SUN2: variants seen among roughly 807,000 people sequenced by gnomAD.
SUN2 encodes SUN domain-containing protein 2.
In SUN2, 60 loss-of-function variants were observed where a neutral mutation model predicts 100.0. The ratio of observed to expected loss-of-function variants is 0.60; its 90% CI spans 0.49 to 0.74. SUN2 has a LOEUF of 0.74. Among genes scored for constraint, SUN2 ranks in the 30% least tolerant of loss-of-function variants. The pLI is 0.00. For synonymous variants in SUN2, 367 were observed against 403.3 expected (o/e 0.91, Z 1.08); for missense variants, 834 against 954.6 (o/e 0.87, Z 1.66).
chr22:38,737,614 A>T lies in SUN2; in HGVS notation c.2040+559T>A. 1 of 302,008 alleles carries T rather than the reference A, an allele frequency of 3.3e-6. No homozygotes were observed. Among genetic ancestry groups the T allele is most frequent in the South Asian group, 2.8e-5 (1 of 35,918 alleles). The allele number at this position is 302,008 out of a possible 1,614,324, so 18.7% of individuals were successfully genotyped here. A position where few individuals can be genotyped will look rare whatever the true frequency, so the allele number is the denominator to read the frequency against. ...TGCCACTGTCCCTCGTCCACCTCCC[A>T]CTATCCCGCCAACCCAATTCCTCAC... On this transcript the variant is annotated intron_variant, in intron 17 of 17. Coordinates refer to ENST00000689035, the MANE Select transcript of SUN2 (RefSeq NM_015374.3). This position sits in a 1 kb window ranked among gnomAD's most constrained non-coding sequence, Gnocchi z 4.1.
At position 38,738,211 on chromosome 22, in the gene SUN2, C is replaced by G; in HGVS notation, c.2002G>C (p.Asp668His). ...EGTLLGKFTYDQDGEPIQTFH... is the reference protein window; with the variant it reads ...EGTLLGKFTYHQDGEPIQTFH... ...GTCTGAATAGGCTCGCCGTCCTGAT[C>G]GTAAGTGAACTTGCCAAGGAGTGTC... The change falls in exon 17 of 18, where the codon GAT becomes CAT. Residue 668 changes from aspartate to histidine, a missense_variant. Physicochemically the swap from Asp to His is moderately conservative, Grantham distance 81 (BLOSUM62 -1). Coordinates refer to ENST00000689035, the MANE Select transcript of SUN2 (RefSeq NM_015374.3). This position sits in a 1 kb window ranked among gnomAD's most constrained non-coding sequence, Gnocchi z 6.6. The G allele has an allele frequency of 6.2e-7, 1 of 1,613,956 alleles. No individual in the cohort carries two copies. Among genetic ancestry groups the G allele is most frequent in the Non-Finnish European group, 8.5e-7 (1 of 1,180,000 alleles).
chr22:38,742,626 A>C (rs1396800750), intron 8 of SUN2, 71 bp from the exon 9 acceptor site: 16 of 1,501,866 alleles, frequency 1.1e-5, no homozygotes, highest in Non-Finnish European at 1.3e-5. Flanking sequence ...GACCACCCCG[A>C]CACAGCCAAC....
chr22:38,755,944 C>T lies in SUN2; in HGVS notation c.-219G>A. The stretch of plus-strand genomic sequence containing the variant: ...ACGCGGGACAAGGCGGGCGGGCGGA[C>T]AATGCGGCCGGCGGAGGCCCGCGCT... On this transcript the variant is annotated 5_prime_UTR_variant, in exon 1 of 18. Coordinates refer to ENST00000689035, the MANE Select transcript of SUN2 (RefSeq NM_015374.3). The surrounding 1 kb of genome is among the most constrained non-coding windows in gnomAD (Gnocchi z 5.7). The T allele has an allele frequency of 3.1e-6, 3 of 983,294 alleles. No individual in the cohort carries two copies. The highest frequency in any genetic ancestry group is 3.6e-6 in the Non-Finnish European group (3 of 829,166). 60.9% of individuals were successfully genotyped at this position (983,294 alleles called of 1,614,324 possible).
At position 38,750,264 on chromosome 22, in the gene SUN2, G is replaced by A. The variant is rs200026739; in HGVS notation, c.481C>T (p.Arg161Trp). ...ACCATCCAGAGTAAGGAGCCCGCCC[G>A]TGAGACGGCGCTTCGGAGCCGCGAG... ...SSSRLRSAVS[R>W]AGSLLWMVAT... Residue 161 changes from arginine (R) to tryptophan (W), a missense_variant, in exon 5 of 18, where the codon CGG becomes TGG. Physicochemically the swap from Arg to Trp is moderately radical, Grantham distance 101. Around this residue, in one of 3 missense-constraint regions of SUN2, gnomAD observed 559 missense variants for 597.7 expected, o/e 0.94. Transcript: ENST00000689035. 7.4e-6 allele frequency: 12 copies of A among 1,613,784 alleles called. No homozygotes were observed. The highest frequency in any genetic ancestry group is 4.5e-5 in the East Asian group (2 of 44,878).
At chr22:38,748,559 G>A (rs1367448438) in intron 7 of SUN2, 154 bp downstream of exon 7, 2 of 805,916 alleles carry the variant, frequency 2.5e-6, no homozygotes, top group Non-Finnish European at 4.2e-6. Context: ...AGGTGGGGAG[G>A]GCCATGCAGA....
rs2092981688 is a variant in SUN2 at position 38,755,883 on chromosome 22, C to T, written c.-158G>A. On this transcript the variant is annotated 5_prime_UTR_variant, in exon 1 of 18. Coordinates refer to ENST00000689035, the MANE Select transcript of SUN2 (RefSeq NM_015374.3). This position sits in a 1 kb window ranked among gnomAD's most constrained non-coding sequence, Gnocchi z 5.7. ...CGCTCCGCTCAGGGCGACACAGCGG[C>T]CGGGCCCGGGGCGCGCGGGCACGCG... 4.1e-6 allele frequency: 4 copies of T among 982,204 alleles called. No individual in the cohort carries two copies. The highest frequency in any genetic ancestry group is 4.8e-6 in the Non-Finnish European group (4 of 828,676). The allele number at this position is 982,204 out of a possible 1,614,324, so 60.8% of individuals were successfully genotyped here.
At chr22:38,743,449 T>A (rs1289999581) in intron 8 of SUN2, 1 of 152,124 alleles carries the variant, frequency 6.6e-6, no homozygotes, top group African/African-American at 2.4e-5. Flanking sequence ...TAGCTGGAGA[T>A]GGTGGCAGGC....
chr22:38,752,077 C>T (rs1405644307), intron 2 of SUN2, among the ~76,000 whole-genome samples: 1 of 152,204 alleles, frequency 6.6e-6, no homozygotes, highest in Non-Finnish European at 1.5e-5. Flanking sequence ...CAGGTTCAAG[C>T]GATTCTCCTG....
chr22:38,737,356 G>A lies in SUN2; in HGVS notation c.2040+817C>T, dbSNP rs1337951646. On this transcript the variant is annotated intron_variant, in intron 17 of 17. Transcript: ENST00000689035. This position sits in a 1 kb window ranked among gnomAD's most constrained non-coding sequence, Gnocchi z 4.1. Reference sequence around the variant, plus strand: ...CCACCCCATCCAACTGGACATTCACGACCCTCCCTGCTACGTCTTTGTCCT... The same window carrying A: ...CCACCCCATCCAACTGGACATTCACAACCCTCCCTGCTACGTCTTTGTCCT... Among the ~76,000 whole-genome samples the A allele has an allele frequency of 1.1e-4, 16 of 151,522 alleles. No homozygotes were observed. Among genetic ancestry groups the A allele is most frequent in the Non-Finnish European group, 2.4e-4 (16 of 67,946 alleles).
rs765101142 is a variant in SUN2 at position 38,751,278 on chromosome 22, G to A, written c.218C>T (p.Ser73Leu). ...TGGGAACCAGGACTCGTGGACCAGC[G>A]ACTCACTGTAGTAGGAGGTGTGTGC... ...SDAHTSYYSESLVHESWFPPR... is the reference protein window; with the variant it reads ...SDAHTSYYSELLVHESWFPPR... Residue 73 changes from serine (S) to leucine (L), a missense_variant, in exon 3 of 18, where the codon TCG becomes TTG. By Grantham distance (145) the Ser-to-Leu change is moderately radical. Around this residue, in one of 3 missense-constraint regions of SUN2, gnomAD observed 559 missense variants for 597.7 expected, o/e 0.94. Transcript: ENST00000689035. The A allele has an allele frequency of 2.6e-5, 42 of 1,614,138 alleles. No homozygotes were observed. Among genetic ancestry groups the A allele is most frequent in the Admixed American group, 1.7e-4 (10 of 60,026 alleles).
intron 2 of SUN2, among the ~76,000 whole-genome samples, chr22:38,752,247 C>T (rs973316460): frequency 2.6e-5 from 4 of 152,216 alleles, no homozygotes; most frequent in Non-Finnish European, 4.4e-5. Flanking sequence ...TGAGCCACCG[C>T]GCCCGACCTA....
Position 38,755,871 on chromosome 22 carries a change from G to T in SUN2, c.-146C>A, listed in dbSNP as rs2092981631. The T allele has an allele frequency of 6.1e-6, 6 of 982,226 alleles. No individual in the cohort carries two copies. The highest frequency in any genetic ancestry group is 7.2e-6 in the Non-Finnish European group (6 of 828,740). 60.8% of individuals were successfully genotyped at this position (982,226 alleles called of 1,614,324 possible). ...TCCCGCGGGCGGCGCTCCGCTCAGG[G>T]CGACACAGCGGCCGGGCCCGGGGCG... On this transcript the variant is annotated 5_prime_UTR_variant, in exon 1 of 18. Transcript: ENST00000689035. This position sits in a 1 kb window ranked among gnomAD's most constrained non-coding sequence, Gnocchi z 5.7.
rs1402009990 is a variant in SUN2 at position 38,740,124 on chromosome 22, C to T, written c.1356+143G>A. 5.6e-6 allele frequency: 7 copies of T among 1,260,402 alleles called. No individual in the cohort carries two copies. The highest frequency in any genetic ancestry group is 3.0e-5 in the African/African-American group (2 of 66,298). 78.1% of individuals were successfully genotyped at this position (1,260,402 alleles called of 1,614,324 possible). On this transcript the variant is annotated intron_variant, in intron 12 of 17. Transcript: ENST00000689035. The surrounding 1 kb of genome is among the most constrained non-coding windows in gnomAD (Gnocchi z 4.8). Reference sequence around the variant, plus strand: ...AGGAAGAACGCCTGTCAGTGAGAGCCCACATGTGTCAAGGCCAACGCCACA... The same window carrying T: ...AGGAAGAACGCCTGTCAGTGAGAGCTCACATGTGTCAAGGCCAACGCCACA...
intron 3 of SUN2, 57 bp from the exon 4 acceptor site, chr22:38,751,092 G>T: frequency 5.6e-6 from 9 of 1,610,122 alleles, no homozygotes; most frequent in Non-Finnish European, 7.6e-6. Context: ...TGAAAAGTGG[G>T]GTCTGGGCAG....
rs2092838792 is a variant in SUN2 at position 38,739,830 on chromosome 22, G to T, written c.1470C>A (p.Ser490Arg). The change falls in exon 13 of 18, where the codon AGC becomes AGA. Residue 490 changes from serine to arginine, a missense_variant. Transcript: ENST00000689035. The surrounding 1 kb of genome is among the most constrained non-coding windows in gnomAD (Gnocchi z 6.7). The part of the protein sequence containing the change: ...EMQAQLRELE[S>R]KILTHVAEMQ... Reference sequence around the variant, plus strand: ...TCTCTGCCACATGGGTGAGGATCTTGCTCTCCAGCTCTCGCAGCTGAGCTT... The same window carrying T: ...TCTCTGCCACATGGGTGAGGATCTTTCTCTCCAGCTCTCGCAGCTGAGCTT... 6.2e-7 allele frequency: 1 copy of T among 1,613,478 alleles called. No homozygotes were observed. The highest frequency in any genetic ancestry group is 8.5e-7 in the Non-Finnish European group (1 of 1,180,026).
At chr22:38,751,548 G>C (rs955549416) in intron 2 of SUN2, 175 bp from the exon 3 acceptor site, 3 of 637,480 alleles carry the variant, frequency 4.7e-6, no homozygotes, top group African/African-American at 3.7e-5. Context: ...GTCCTCTCCT[G>C]TTCTCTCTGA....
chr22:38,738,681 C>G lies in SUN2; in HGVS notation c.1853G>C (p.Arg618Pro). Residue 618 changes from arginine to proline, a missense_variant, in exon 16 of 18, where the codon CGC (arginine) becomes CCC (proline). Transcript: ENST00000689035. This position sits in a 1 kb window ranked among gnomAD's most constrained non-coding sequence, Gnocchi z 6.6. ...QGFAVVRLSA[R>P]IRPTAVTLEH... ...TAAGGTAACGGCTGTGGGGCGGATG[C>G]GGGCAGAGAGGCGGACCACGGCGAA... The G allele has an allele frequency of 6.2e-7, 1 of 1,613,824 alleles. No individual in the cohort carries two copies. The highest frequency in any genetic ancestry group is 2.2e-5 in the East Asian group (1 of 44,876).
chr22:38,739,060 C>G lies in SUN2; in HGVS notation c.1664-72G>C. 1.4e-6 allele frequency: 2 copies of G among 1,450,722 alleles called. No individual in the cohort carries two copies. Among genetic ancestry groups the G allele is most frequent in the South Asian group, 1.2e-5 (1 of 82,576 alleles). 89.9% of individuals were successfully genotyped at this position (1,450,722 alleles called of 1,614,324 possible). A position where few individuals can be genotyped will look rare whatever the true frequency, so the allele number is the denominator to read the frequency against. On this transcript the variant is annotated intron_variant, in intron 14 of 17. Coordinates refer to ENST00000689035, the MANE Select transcript of SUN2 (RefSeq NM_015374.3). This position sits in a 1 kb window ranked among gnomAD's most constrained non-coding sequence, Gnocchi z 6.7. ...GCCCCGCTCAGGCCATTGGCTGTCTCCTCGCTGAAGGTGGACGGCAGATGC... is the reference window on the plus strand; with the variant it reads ...GCCCCGCTCAGGCCATTGGCTGTCTGCTCGCTGAAGGTGGACGGCAGATGC...
In SUN2 at chr22:38,755,001, A is replaced by C; in HGVS notation, c.-38+762T>G. On this transcript the variant is annotated intron_variant, in intron 1 of 17. Coordinates refer to ENST00000689035, the MANE Select transcript of SUN2 (RefSeq NM_015374.3). The surrounding 1 kb of genome is among the most constrained non-coding windows in gnomAD (Gnocchi z 5.7). Reference sequence around the variant, plus strand: ...AATCTACTACTGCGAATCATAATAGACACCACCCCCGCCCCACCTCCTCCC... The same window carrying C: ...AATCTACTACTGCGAATCATAATAGCCACCACCCCCGCCCCACCTCCTCCC... 1 of 1,274,794 alleles carries C rather than the reference A, an allele frequency of 7.8e-7. No individual in the cohort carries two copies. The highest frequency in any genetic ancestry group is 1.0e-6 in the Non-Finnish European group (1 of 977,146). 79.0% of individuals were successfully genotyped at this position (1,274,794 alleles called of 1,614,324 possible). A position where few individuals can be genotyped will look rare whatever the true frequency, so the allele number is the denominator to read the frequency against.
Sources: gnomAD v4.1 joint callset for allele counts (sites outside exome capture counted in the v4.1 genomes callset) on GRCh38, gnomAD v4.1.1 for gene constraint, gnomAD v4.1.1 regional missense constraint, Gnocchi (gnomAD v3.1) non-coding constraint, MANE v1.5 for transcripts, NCBI Gene and HGNC (gene_info 2026-07-23, HGNC 2026-07-21) for gene names.